EPHA7: variants seen among roughly 807,000 people sequenced by gnomAD.
The protein encoded by EPHA7 is EPH receptor A7, also known as ephrin type-A receptor 7.
Under a neutral mutation model 112.6 loss-of-function variants are expected in EPHA7, and 25 were observed. The ratio of observed to expected loss-of-function variants is 0.22; its 90% CI spans 0.16 to 0.31. EPHA7 has a LOEUF of 0.31. Among genes scored for constraint, EPHA7 ranks in the 10% least tolerant of loss-of-function variants. The pLI is 1.00. For missense variants in EPHA7, 962 were observed against 1,212.6 expected (o/e 0.79, Z 3.07); for synonymous variants, 437 against 406.5 (o/e 1.07, Z -0.90).
chr6:93,337,942 G>A lies in EPHA7; in HGVS notation c.1324+18775C>T, dbSNP rs953906095. 2.6e-5 allele frequency among the ~76,000 whole-genome samples: 4 copies of A among 152,120 alleles called. No individual in the cohort carries two copies. In the East Asian group the frequency reaches 7.7e-4, roughly 29 times the overall value. On this transcript the variant is annotated intron_variant, in intron 5 of 16. Coordinates refer to ENST00000369303, the MANE Select transcript of EPHA7 (RefSeq NM_004440.4). ...AAACAAACAGGAAGGAAGAAATGGAGTGAGGATGGAGGGAGGTGAGGAAAA... is the reference window on the plus strand; with the variant it reads ...AAACAAACAGGAAGGAAGAAATGGAATGAGGATGGAGGGAGGTGAGGAAAA...
In EPHA7 at chr6:93,258,206, T is replaced by C; in HGVS notation, c.2003A>G (p.Lys668Arg). The change falls in exon 11 of 17, where the codon AAA (lysine) becomes AGA (arginine). Residue 668 changes from lysine to arginine, a missense_variant. Physicochemically the swap from Lys to Arg is conservative, Grantham distance 26. Around this residue, in one of 3 missense-constraint regions of EPHA7, gnomAD observed 746 missense variants for 889.2 expected, o/e 0.84. Transcript: ENST00000369303. ...CCTTTGTTTTTCTGTGTAACCAACT[T>C]TCAGGGTTTTTATGGCTACTGCAAC... is the stretch of plus-strand genomic sequence containing the variant. Reference protein sequence around the residue: ...RDVAVAIKTLKVGYTEKQRRD... With the variant: ...RDVAVAIKTLRVGYTEKQRRD... 1 of 1,613,448 alleles carries C rather than the reference T, an allele frequency of 6.2e-7. No individual in the cohort carries two copies. The highest frequency in any genetic ancestry group is 8.5e-7 in the Non-Finnish European group (1 of 1,179,628).
intron 5 of EPHA7, among the ~76,000 whole-genome samples, chr6:93,322,990 TTGAA>T (rs1774149911): frequency 6.6e-6 from 1 of 151,566 alleles, no homozygotes. Flanking sequence ...ATTTAAAAGT[TTGAA>T]TGAAGATTTT....
rs191102962 is a variant in EPHA7 at position 93,272,371 on chromosome 6, A to G, written c.1376T>C (p.Val459Ala). ...CTCTGGTTCCTGCCAGGAAAGCTCG[A>G]CACTCCGCTGCAGTACTCTCTCCTT... ...VMKERVLQRS[V>A]ELSWQEPEHP... The change falls in exon 6 of 17, where the codon GTC (valine) becomes GCC (alanine). Residue 459 changes from valine to alanine, a missense_variant. By Grantham distance (64) the Val-to-Ala change is moderately conservative. This residue lies in a region of EPHA7 where 746 missense variants were observed against 889.2 expected (regional missense o/e 0.84). Transcript: ENST00000369303. The G allele has an allele frequency of 6.2e-7, 1 of 1,612,202 alleles. No individual in the cohort carries two copies. The highest frequency in any genetic ancestry group is 8.5e-7 in the Non-Finnish European group (1 of 1,178,706).
chr6:93,366,826 A>G (rs1340834488), intron 3 of EPHA7, among the ~76,000 whole-genome samples: 2 of 152,162 alleles, frequency 1.3e-5, no homozygotes, highest in Non-Finnish European at 2.9e-5. Flanking sequence ...AAATTATTAA[A>G]AAGAATCAAC....
At chr6:93,338,156 G>T (rs940212936) in intron 5 of EPHA7, among the ~76,000 whole-genome samples, 1 of 152,044 alleles carries the variant, frequency 6.6e-6, no homozygotes, top group Non-Finnish European at 1.5e-5. Context: ...AATTTTCTGC[G>T]GTTAAGGAAA....
chr6:93,250,659 C>T (rs1049382598), intron 14 of EPHA7, among the ~76,000 whole-genome samples: 4 of 152,028 alleles, frequency 2.6e-5, no homozygotes, highest in Non-Finnish European at 4.4e-5. Context: ...AAAAACAATG[C>T]ACAGAGGTAA....
At chr6:93,349,385 C>T (rs1000060378) in intron 5 of EPHA7, among the ~76,000 whole-genome samples, 1 of 151,830 alleles carries the variant, frequency 6.6e-6, no homozygotes, top group African/African-American at 2.4e-5. Flanking sequence ...ATGACTAAAT[C>T]CTGCACTTTC....
At position 93,282,708 on chromosome 6, in the gene EPHA7, G is replaced by A. The variant is rs577920764; in HGVS notation, c.1325-10286C>T. Among the ~76,000 whole-genome samples, 4 of 152,302 alleles carry A rather than the reference G, an allele frequency of 2.6e-5. No homozygotes were observed. The East Asian group carries it at 5.9e-4, about 22-fold the overall frequency. On this transcript the variant is annotated intron_variant, in intron 5 of 16. Coordinates refer to ENST00000369303, the MANE Select transcript of EPHA7 (RefSeq NM_004440.4). Reference sequence around the variant, plus strand: ...CGCTTGCGGGCCAGCGCGAGTTCCCGGTGGGCGTGGGCTCGGCGGGCCCCT... The same window carrying A: ...CGCTTGCGGGCCAGCGCGAGTTCCCAGTGGGCGTGGGCTCGGCGGGCCCCT...
At chr6:93,384,651 C>T (rs765877412) in intron 3 of EPHA7, among the ~76,000 whole-genome samples, 4 of 152,116 alleles carry the variant, frequency 2.6e-5, no homozygotes, top group African/African-American at 7.2e-5. Context: ...CTCACAGGAT[C>T]GCACATTTGT....
intron 3 of EPHA7, among the ~76,000 whole-genome samples, chr6:93,389,866 C>T (rs7754503): frequency 0.01 from 1,543 of 151,940 alleles, 21 homozygotes; most frequent in African/African-American, 0.034. Context: ...ACAATAAATA[C>T]AGAAGGAATA....
intron 3 of EPHA7, among the ~76,000 whole-genome samples, chr6:93,372,992 T>C (rs1388957295): frequency 6.6e-6 from 1 of 151,672 alleles, no homozygotes; most frequent in Non-Finnish European, 1.5e-5. Flanking sequence ...TTCTGAATTA[T>C]GGTATATACT....
chr6:93,331,251 G>C (rs148439342), intron 5 of EPHA7, among the ~76,000 whole-genome samples: 51 of 151,286 alleles, frequency 3.4e-4, no homozygotes, highest in African/African-American at 1.1e-3. Flanking sequence ...GCCTAAACAA[G>C]TCTCCCTAGT....
chr6:93,389,076 AT>A (rs1044723228), intron 3 of EPHA7, among the ~76,000 whole-genome samples: 1 of 152,074 alleles, frequency 6.6e-6, no homozygotes, highest in Non-Finnish European at 1.5e-5. Flanking sequence ...GACAGAATAG[AT>A]TTTGGAGATA....
At chr6:93,401,321 C>T (rs1287209290) in intron 3 of EPHA7, among the ~76,000 whole-genome samples, 1 of 152,094 alleles carries the variant, frequency 6.6e-6, no homozygotes, top group Non-Finnish European at 1.5e-5. Context: ...GTTCTTATGT[C>T]ATTCATCGAC....
chr6:93,358,588 TA>T (rs1776079363), intron 3 of EPHA7, among the ~76,000 whole-genome samples, 177 bp from the exon 4 acceptor site: 2 of 152,210 alleles, frequency 1.3e-5, no homozygotes, highest in Non-Finnish European at 2.9e-5. Context: ...TAGTTCATCT[TA>T]AAACAAAATA....
rs1769742852 is a variant in EPHA7, at chr6:93,242,755, A to G, written c.*671T>C. Reference sequence around the variant, plus strand: ...TTAAAAAATATCAGAGCTCTTGGCAACTTGCATTTTCTTGACTACCTGCCA... The same window carrying G: ...TTAAAAAATATCAGAGCTCTTGGCAGCTTGCATTTTCTTGACTACCTGCCA... On this transcript the variant is annotated 3_prime_UTR_variant, in exon 17 of 17. Transcript: ENST00000369303. 1 of 211,054 alleles carries G rather than the reference A, an allele frequency of 4.7e-6. No individual in the cohort carries two copies. The highest frequency in any genetic ancestry group is 2.3e-5 in the African/African-American group (1 of 44,132). 13.1% of individuals were successfully genotyped at this position (211,054 alleles called of 1,614,324 possible). A position where few individuals can be genotyped will look rare whatever the true frequency, so the allele number is the denominator to read the frequency against.
intron 5 of EPHA7, among the ~76,000 whole-genome samples, chr6:93,324,373 C>G (rs539997046): frequency 1.2e-4 from 18 of 151,434 alleles, no homozygotes; most frequent in Admixed American, 2.6e-4. Context: ...AATTGATCCT[C>G]ATAAACATCA....
intron 3 of EPHA7, among the ~76,000 whole-genome samples, chr6:93,391,989 T>C (rs1238391443): frequency 6.6e-6 from 1 of 151,890 alleles, no homozygotes; most frequent in Non-Finnish European, 1.5e-5. Context: ...TTTCCTTAAA[T>C]AAAATGGAAT....
In EPHA7 at chr6:93,405,291, G is replaced by T. The variant is rs181251392; in HGVS notation, c.832+5210C>A. Reference sequence around the variant, plus strand: ...ATTCTATAGAGTAAGTTCAATCAAGGTGATACACCTTAACTTTGGACATTT... The same window carrying T: ...ATTCTATAGAGTAAGTTCAATCAAGTTGATACACCTTAACTTTGGACATTT... On this transcript the variant is annotated intron_variant, in intron 3 of 16. Transcript: ENST00000369303. Among the ~76,000 whole-genome samples, 153 of 151,668 alleles carry T rather than the reference G, an allele frequency of 1.0e-3. 1 individual carries two copies. The highest frequency in any genetic ancestry group is 6.8e-3 in the Middle Eastern group (2 of 292).
Sources: allele counts gnomAD v4.1 joint callset (sites outside exome capture counted in the v4.1 genomes callset), GRCh38; gene constraint gnomAD v4.1.1; regional missense constraint gnomAD v4.1.1; transcripts MANE v1.5; gene names NCBI Gene and HGNC (gene_info 2026-07-23, HGNC 2026-07-21).